IL17RD: variants seen among roughly 807,000 people sequenced by gnomAD.
IL17RD encodes the protein interleukin 17 receptor D, also known as interleukin-17 receptor D.
IL17RD carries 52 observed loss-of-function variants against 80.5 expected under a neutral mutation model. That is an observed-to-expected ratio of 0.65 (90% confidence interval 0.52 to 0.81). The LOEUF (loss-of-function observed/expected upper bound fraction) is 0.81. IL17RD is among the 40% of genes least tolerant of loss of function. IL17RD has a pLI of 0.00. For synonymous variants in IL17RD, 416 were observed against 391.8 expected (o/e 1.06, Z -0.73); for missense variants, 1,024 against 955.1 (o/e 1.07, Z -0.95).
intron 2 of IL17RD, among the ~76,000 whole-genome samples, chr3:57,119,316 C>T (rs1282634414): frequency 6.6e-6 from 1 of 150,640 alleles, no homozygotes; most frequent in African/African-American, 2.4e-5. Flanking sequence ...CGTGCCACTG[C>T]ACTCCAGCCT....
intron 7 of IL17RD, among the ~76,000 whole-genome samples, chr3:57,105,552 A>AAAAAAAAAAAAAAC: frequency 1.6e-5 from 1 of 63,590 alleles, no homozygotes; most frequent in Non-Finnish European, 2.8e-5. Flanking sequence ...AAAAAAAAAA[A>AAAAAAAAAAAAAAC]ATATATATAT....
chr3:57,169,004 C>T (rs1047542550), upstream of IL17RD, among the ~76,000 whole-genome samples: 1 of 152,348 alleles, frequency 6.6e-6, no homozygotes, highest in Non-Finnish European at 1.5e-5. Flanking sequence ...AGGCGTGAGC[C>T]GCCGCTCCCA....
Position 57,109,591 on chromosome 3 carries a change from A to G in IL17RD, c.496T>C (p.Phe166Leu), listed in dbSNP as rs746465499. ...TTGCTTTCGTTTTTAATGGAAGGAA[A>G]AGGGACAACCTTTACGAAATAATCC... ...ETDYFVKVVP[F>L]PSIKNESNYH... Residue 166 changes from phenylalanine (F) to leucine (L), a missense_variant, in exon 5 of 13, where the codon TTT becomes CTT. Coordinates refer to ENST00000296318, the MANE Select transcript of IL17RD (RefSeq NM_017563.5). 7 of 1,613,568 alleles carry G rather than the reference A, an allele frequency of 4.3e-6. No homozygotes were observed. In the Admixed American group the frequency reaches 1.2e-4, roughly 27 times the overall value.
At chr3:57,112,152 G>A (rs1579273735) in intron 3 of IL17RD, among the ~76,000 whole-genome samples, 2 of 152,144 alleles carry the variant, frequency 1.3e-5, no homozygotes, top group South Asian at 2.1e-4. Context: ...TTGTAGTTAT[G>A]TAATGATTAG....
At chr3:57,126,329 A>C (rs958847807) in intron 1 of IL17RD, among the ~76,000 whole-genome samples, 1 of 152,226 alleles carries the variant, frequency 6.6e-6, no homozygotes, top group Admixed American at 6.5e-5. Context: ...CTCTATGGTC[A>C]GTAGGGACGG....
intron 1 of IL17RD, among the ~76,000 whole-genome samples, chr3:57,127,410 A>ATT (rs1383285776): frequency 0.011 from 967 of 85,992 alleles, 64 homozygotes; most frequent in Middle Eastern, 0.02. Flanking sequence ...ATATATATAT[A>ATT]TATTTTTTTT....
chr3:57,127,372 AT>A (rs1707511742), intron 1 of IL17RD, among the ~76,000 whole-genome samples: 1 of 97,706 alleles, frequency 1.0e-5, no homozygotes, highest in Non-Finnish European at 1.8e-5. Flanking sequence ...ATAAATATAT[AT>A]ATATAAATAA....
chr3:57,138,045 T>A (rs1293682108), intron 1 of IL17RD, among the ~76,000 whole-genome samples: 1 of 152,178 alleles, frequency 6.6e-6, no homozygotes, highest in African/African-American at 2.4e-5. Flanking sequence ...ATATGCGGTA[T>A]TTAGAGCAGT....
At position 57,095,249 on chromosome 3, in the gene IL17RD, C is replaced by G. The variant is rs1018992061; in HGVS notation, c.*1144G>C. 1 of 152,244 alleles carries G rather than the reference C, an allele frequency of 6.6e-6. No homozygotes were observed. The highest frequency in any genetic ancestry group is 2.4e-5 in the African/African-American group (1 of 41,456). 9.4% of individuals were successfully genotyped at this position (152,244 alleles called of 1,614,324 possible). ...CCACAGGGGAGACCAAGACAGCATT[C>G]ATTACACACATGCTAATCATCAGAT... On this transcript the variant is annotated 3_prime_UTR_variant, in exon 13 of 13. Transcript: ENST00000296318.
chr3:57,148,099 G>T (rs1186111203), intron 1 of IL17RD, among the ~76,000 whole-genome samples: 1 of 113,044 alleles, frequency 8.8e-6, no homozygotes, highest in Non-Finnish European at 1.9e-5. Flanking sequence ...GGGGGGGGGG[G>T]GGGGGCGATC....
intron 1 of IL17RD, among the ~76,000 whole-genome samples, chr3:57,131,264 T>C (rs1024945234): frequency 6.6e-6 from 1 of 152,094 alleles, no homozygotes; most frequent in African/African-American, 2.4e-5. Flanking sequence ...CAGCACTGCC[T>C]TTCTACAGAA....
chr3:57,110,957 C>T (rs1466118920), intron 3 of IL17RD, among the ~76,000 whole-genome samples: 1 of 152,230 alleles, frequency 6.6e-6, no homozygotes, highest in South Asian at 2.1e-4. Context: ...ACACCCACAG[C>T]GCCGCTGAAA....
At chr3:57,154,754 T>A (rs1332115151) in intron 1 of IL17RD, among the ~76,000 whole-genome samples, 1 of 152,192 alleles carries the variant, frequency 6.6e-6, no homozygotes, top group Admixed American at 6.5e-5. Flanking sequence ...AACCAGATGT[T>A]ACATTTTTTC....
At chr3:57,107,731 G>A (rs1345304657) in intron 5 of IL17RD, among the ~76,000 whole-genome samples, 6 of 152,180 alleles carry the variant, frequency 3.9e-5, no homozygotes, top group African/African-American at 2.4e-5. Context: ...TGAGTTCAGA[G>A]CATGGATTCC....
upstream of IL17RD, among the ~76,000 whole-genome samples, chr3:57,168,729 T>C (rs2060358091): frequency 6.6e-6 from 1 of 152,226 alleles, no homozygotes; most frequent in Non-Finnish European, 1.5e-5. Context: ...TTTGTTTGTT[T>C]GTTTGAGACG....
chr3:57,107,465 C>T (rs898129587), intron 5 of IL17RD, among the ~76,000 whole-genome samples: 3 of 151,974 alleles, frequency 2.0e-5, no homozygotes, highest in African/African-American at 4.8e-5. Flanking sequence ...CAGAGGGAAA[C>T]ATTGATGTAG....
chr3:57,114,138 C>A (rs1318191809), intron 3 of IL17RD, among the ~76,000 whole-genome samples: 3 of 150,972 alleles, frequency 2.0e-5, no homozygotes, highest in Non-Finnish European at 4.4e-5. Flanking sequence ...GAGCCGAGAT[C>A]GCACCATTGC....
chr3:57,159,533 C>T (rs531069232), intron 1 of IL17RD, among the ~76,000 whole-genome samples: 59 of 152,320 alleles, frequency 3.9e-4, no homozygotes, highest in African/African-American at 1.3e-3. Flanking sequence ...CAGGCCCATT[C>T]AGAACATCCA....
intron 1 of IL17RD, chr3:57,142,645 C>T: frequency 3.1e-6 from 1 of 326,810 alleles, no homozygotes; most frequent in Non-Finnish European, 5.9e-6. Context: ...TCCTCATTGA[C>T]AAATGGTTCC....
Sources: gnomAD v4.1 joint callset for allele counts (sites outside exome capture counted in the v4.1 genomes callset) on GRCh38, gnomAD v4.1.1 for gene constraint, MANE v1.5 for transcripts, NCBI Gene and HGNC (gene_info 2026-07-23, HGNC 2026-07-21) for gene names.